Variants in USP30 observed in about 807,000 individuals in gnomAD.
The protein encoded by USP30 is ubiquitin specific peptidase 30.
USP30 carries 41 observed loss-of-function variants against 68.2 expected under a neutral mutation model. The observed-to-expected ratio is 0.60, with a 90% CI of 0.47 to 0.78. The LOEUF (loss-of-function observed/expected upper bound fraction) is 0.78. USP30 is among the 30% of genes least tolerant of loss of function. The pLI, the probability that USP30 is intolerant of heterozygous loss-of-function variation, is 0.00. For synonymous variants in USP30, 229 were observed against 253.7 expected (o/e 0.90, Z 0.93); for missense variants, 522 against 649.4 (o/e 0.80, Z 2.13).
upstream of USP30, among the ~76,000 whole-genome samples, chr12:109,050,481 T>A (rs2135685690): frequency 6.6e-6 from 1 of 152,276 alleles, no homozygotes; most frequent in East Asian, 1.9e-4. Context: ...AATGCATTGA[T>A]TTCTTTTGTT....
intron 3 of USP30, among the ~76,000 whole-genome samples, chr12:109,066,007 G>A (rs1397942090): frequency 6.6e-6 from 1 of 151,848 alleles, no homozygotes; most frequent in Non-Finnish European, 1.5e-5. Flanking sequence ...ATCCCAGCAC[G>A]TTGGGAGGCC....
rs147263113 is a variant in USP30, at chr12:109,044,892, C to G, written c.-135-2698C>G. On this transcript the variant is annotated intron_variant, in intron 3 of 15. Coordinates refer to the USP30 transcript ENST00000392784. ...ATATACCATCATCATTATGTTATCACACTTTTTCATGCTTTATTAATCTGA... is the reference window on the plus strand; with the variant it reads ...ATATACCATCATCATTATGTTATCAGACTTTTTCATGCTTTATTAATCTGA... Among the ~76,000 whole-genome samples, 619 of 151,778 alleles carry G rather than the reference C, an allele frequency of 4.1e-3. 6 individuals are homozygous for G. The highest frequency in any genetic ancestry group is 0.015 in the African/African-American group (603 of 41,336).
In USP30 at chr12:109,052,672, G is replaced by A. The variant is rs2040699138; in HGVS notation, c.-7G>A. 4 of 1,506,314 alleles carry A rather than the reference G, an allele frequency of 2.7e-6. No homozygotes were observed. Among genetic ancestry groups the A allele is most frequent in the Admixed American group, 2.2e-5 (1 of 45,068 alleles). 93.3% of individuals were successfully genotyped at this position (1,506,314 alleles called of 1,614,324 possible). A position where few individuals can be genotyped will look rare whatever the true frequency, so the allele number is the denominator to read the frequency against. ...GGAGACGGTTTCAGGCCTCCGGTGC[G>A]GCTGCAATGCTGAGCTCCCGGGCCG... On this transcript the variant is annotated 5_prime_UTR_variant, in exon 1 of 13. Transcript: ENST00000257548.
chr12:109,059,945 G>A (rs551386061), intron 3 of USP30: 1 of 152,284 alleles, frequency 6.6e-6, no homozygotes, highest in East Asian at 1.9e-4. Context: ...AATGGCAAAA[G>A]GAAAGAATGT....
Position 109,047,126 on chromosome 12 carries a change from T to C in USP30, c.-135-464T>C, listed in dbSNP as rs113536404. 2.1e-3 allele frequency among the ~76,000 whole-genome samples: 321 copies of C among 152,214 alleles called. 1 individual carries two copies. The highest frequency in any genetic ancestry group is 7.0e-3 in the African/African-American group (291 of 41,534). ...GCATAATTCTTAGTAAAACCACCTT[T>C]TACTCCTCCAACGGGTTTAGTGTGA... On this transcript the variant is annotated intron_variant, in intron 3 of 15. Coordinates refer to the USP30 transcript ENST00000392784.
intron 11 of USP30, 37 bp downstream of exon 11, chr12:109,083,099 T>TTTTAATGATA: frequency 6.4e-7 from 1 of 1,555,672 alleles, no homozygotes; most frequent in South Asian, 1.2e-5. Flanking sequence ...GCAGGAATTT[T>TTTTAATGATA]CAGCACAGAG....
At chr12:109,045,785 G>C (rs1380049220) in intron 3 of USP30, among the ~76,000 whole-genome samples, 1 of 152,094 alleles carries the variant, frequency 6.6e-6, no homozygotes, top group African/African-American at 2.4e-5. Flanking sequence ...TACCAGTCAG[G>C]GTTCTCCAGA....
intron 7 of USP30, among the ~76,000 whole-genome samples, chr12:109,079,938 T>A (rs993443918): frequency 6.6e-6 from 1 of 152,200 alleles, no homozygotes; most frequent in Admixed American, 6.5e-5. Context: ...AATAGAGACA[T>A]AGAGAGTAGG....
chr12:109,069,120 A>G (rs1336850281), intron 4 of USP30, among the ~76,000 whole-genome samples: 1 of 152,256 alleles, frequency 6.6e-6, no homozygotes, highest in Non-Finnish European at 1.5e-5. Context: ...TCATGCAGCT[A>G]TTTAAGGGGC....
At chr12:109,044,152 A>C (rs1469421257) in intron 3 of USP30, among the ~76,000 whole-genome samples, 1 of 152,252 alleles carries the variant, frequency 6.6e-6, no homozygotes, top group Non-Finnish European at 1.5e-5. Flanking sequence ...TATGTGAGAT[A>C]CTTAGAGTAG....
intron 4 of USP30, among the ~76,000 whole-genome samples, chr12:109,068,676 A>C (rs763303470): frequency 6.6e-6 from 1 of 152,218 alleles, no homozygotes; most frequent in Non-Finnish European, 1.5e-5. Context: ...CAAGGACATC[A>C]GATAACTTTT....
intron 3 of USP30, among the ~76,000 whole-genome samples, chr12:109,066,509 C>T (rs1430630738): frequency 2.0e-5 from 3 of 152,022 alleles, no homozygotes; most frequent in Non-Finnish European, 4.4e-5. Context: ...ATGGGGGAAC[C>T]CCCATCTCTA....
chr12:109,086,229 C>T lies in USP30; in HGVS notation c.*298C>T, dbSNP rs914146432. 7.3e-5 allele frequency: 21 copies of T among 287,510 alleles called. No homozygotes were observed. The highest frequency in any genetic ancestry group is 1.3e-4 in the Non-Finnish European group (20 of 153,758). The allele number at this position is 287,510 out of a possible 1,614,324, so 17.8% of individuals were successfully genotyped here. On this transcript the variant is annotated 3_prime_UTR_variant, in exon 13 of 13. Transcript: ENST00000257548. ...AAAGAACTCAGATTCTTGAAGCCAC[C>T]GTTTTCATATTGTAATGTTAGGTGT...
At chr12:109,044,176 G>C (rs746831320) in intron 3 of USP30, among the ~76,000 whole-genome samples, 3 of 152,212 alleles carry the variant, frequency 2.0e-5, no homozygotes, top group African/African-American at 4.8e-5. Context: ...AATAAATAGA[G>C]ACAAAATGTA....
intron 3 of USP30, among the ~76,000 whole-genome samples, chr12:109,045,010 T>TTTG (rs2040592374): frequency 7.0e-6 from 1 of 143,318 alleles, no homozygotes; most frequent in Admixed American, 6.9e-5. Context: ...TTTTTTTTTT[T>TTTG]TCTGTTACCC....
At chr12:109,065,887 T>C (rs1361780437) in intron 3 of USP30, among the ~76,000 whole-genome samples, 2 of 152,220 alleles carry the variant, frequency 1.3e-5, no homozygotes, top group Non-Finnish European at 2.9e-5. Context: ...ATTTTCTTTT[T>C]ACATCTATGG....
chr12:109,062,818 C>G (rs545426767), intron 3 of USP30, among the ~76,000 whole-genome samples: 1 of 152,236 alleles, frequency 6.6e-6, no homozygotes, highest in Non-Finnish European at 1.5e-5. Context: ...CTCTCTAGAA[C>G]TCTTCATCAT....
chr12:109,071,800 A>G lies in USP30; in HGVS notation c.579+90A>G, dbSNP rs1163616281. 8.1e-6 allele frequency: 10 copies of G among 1,235,930 alleles called. No homozygotes were observed. The African/African-American group carries it at 1.5e-4, about 18-fold the overall frequency. The allele number at this position is 1,235,930 out of a possible 1,614,324, so 76.6% of individuals were successfully genotyped here. ...GCAAGTGTAATCTTTGTACAACTTT[A>G]AAAGTAAGATTCAGTAAAAATCAGT... On this transcript the variant is annotated intron_variant, in intron 5 of 12. Transcript: ENST00000257548.
chr12:109,082,618 T>C, intron 9 of USP30, 45 bp from the exon 10 acceptor site: 2 of 1,593,850 alleles, frequency 1.3e-6, no homozygotes, highest in Non-Finnish European at 1.7e-6. Flanking sequence ...TCCAAAGCTG[T>C]CCTATTTTAG....
Sources: allele counts gnomAD v4.1 joint callset (sites outside exome capture counted in the v4.1 genomes callset), GRCh38; gene constraint gnomAD v4.1.1; transcripts MANE v1.5; gene names NCBI Gene and HGNC (gene_info 2026-07-23, HGNC 2026-07-21).